Variants in PIGG observed in about 807,000 individuals in gnomAD.
The protein encoded by PIGG is GPI ethanolamine phosphate transferase 2, catalytic subunit.
PIGG carries 70 observed loss-of-function variants against 83.2 expected under a neutral mutation model. That is an observed-to-expected ratio of 0.84 (90% CI 0.69 to 1.03). The LOEUF is 1.03. Among genes scored for constraint, PIGG ranks in the 50% least tolerant of loss-of-function variants. PIGG has a pLI of 0.00. For synonymous variants in PIGG, 532 were observed against 519.5 expected (o/e 1.02, Z -0.33); for missense variants, 1,257 against 1,233.6 (o/e 1.02, Z -0.28).
At chr4:504,961 C>T (rs1553877909) in intron 2 of PIGG, among the ~76,000 whole-genome samples, 1 of 152,188 alleles carries the variant, frequency 6.6e-6, no homozygotes, top group Non-Finnish European at 1.5e-5. Flanking sequence ...AAAGTTCACG[C>T]TTTAGGACTG....
At chr4:520,412 G>C (rs11730564) in intron 6 of PIGG, among the ~76,000 whole-genome samples, 1 of 152,212 alleles carries the variant, frequency 6.6e-6, no homozygotes, top group Non-Finnish European at 1.5e-5. Flanking sequence ...GAGGGGCAGG[G>C]CTCCATCCAG....
At chr4:511,187 G>T (rs1404651847) in intron 5 of PIGG, among the ~76,000 whole-genome samples, 8 of 151,890 alleles carry the variant, frequency 5.3e-5, no homozygotes, top group African/African-American at 1.9e-4. Context: ...CAGCTACTTG[G>T]GAGGCTGAGG....
In PIGG at chr4:528,106, G is replaced by A; in HGVS notation, c.2261+876G>A. ...CCAGTGAGGTCGGTGCTCTGATAGT[G>A]ACCCTCTCAGTGAGGTCGGTGCTCT... On this transcript the variant is annotated intron_variant, in intron 10 of 12. Coordinates refer to ENST00000453061, the MANE Select transcript of PIGG (RefSeq NM_001127178.3). This position sits in a 1 kb window ranked among gnomAD's most constrained non-coding sequence, Gnocchi z 4.8. 1.0e-6 allele frequency: 1 copy of A among 985,350 alleles called. No individual in the cohort carries two copies. The highest frequency in any genetic ancestry group is 4.7e-5 in the South Asian group (1 of 21,274). The allele number at this position is 985,350 out of a possible 1,614,324, so 61.0% of individuals were successfully genotyped here. A position where few individuals can be genotyped will look rare whatever the true frequency, so the allele number is the denominator to read the frequency against.
In PIGG at chr4:523,499, T is replaced by G. The variant is rs995513510; in HGVS notation, c.1655T>G (p.Leu552Arg). Residue 552 changes from leucine (L) to arginine (R), a missense_variant, in exon 9 of 13, where the codon CTT becomes CGT. Leu to Arg is a moderately radical substitution (Grantham distance 102, BLOSUM62 -2). Transcript: ENST00000453061. The stretch of plus-strand genomic sequence containing the variant: ...AGCTCAAGGTGGTCAGAGCTAGACC[T>G]TCTTATTCTGTTGGGGACGGCGGGC... The part of the protein sequence containing the change: ...HPSSRWSELD[L>R]LILLGTAGHV... The G allele has an allele frequency of 6.2e-7, 1 of 1,613,930 alleles. No homozygotes were observed. Among genetic ancestry groups the G allele is most frequent in the African/African-American group, 1.3e-5 (1 of 74,902 alleles).
chr4:519,435 C>T (rs1053836747), intron 6 of PIGG, among the ~76,000 whole-genome samples: 2 of 152,240 alleles, frequency 1.3e-5, no homozygotes, highest in Non-Finnish European at 2.9e-5. Flanking sequence ...GGCGTCCCCC[C>T]ATCCAGGGTG....
chr4:506,701 G>C (rs1340607242), intron 3 of PIGG: 1 of 452,504 alleles, frequency 2.2e-6, no homozygotes, highest in Non-Finnish European at 4.4e-6. Flanking sequence ...TCACCAGGCT[G>C]ACAGCTCTAT....
At chr4:533,163 C>T (rs1289956660) in intron 11 of PIGG, 1 of 153,116 alleles carries the variant, frequency 6.5e-6, no homozygotes, top group Non-Finnish European at 1.5e-5. Flanking sequence ...GAGTTACCTA[C>T]CAGGGCTGGG....
Position 523,632 on chromosome 4 carries a change from C to T in PIGG, c.1788C>T (p.Asn596=). 1 of 1,614,212 alleles carries T rather than the reference C, an allele frequency of 6.2e-7. No homozygotes were observed. The highest frequency in any genetic ancestry group is 2.2e-5 in the East Asian group (1 of 44,876). The change falls in exon 9 of 13, where the codon AAC becomes AAT. Residue 596 remains asparagine, a synonymous_variant. Transcript: ENST00000453061. ...CTCTGAGCCAAGAAACCTACAGAAACTACTTTCTGGGAGATGACGGTGAGC... is the reference window on the plus strand; with the variant it reads ...CTCTGAGCCAAGAAACCTACAGAAATTACTTTCTGGGAGATGACGGTGAGC... ...CLALSQETYR[N]YFLGDDGEPP...
At position 508,869 on chromosome 4, in the gene PIGG, G is replaced by A; in HGVS notation, c.800G>A (p.Gly267Asp). Residue 267 changes from glycine to aspartate, a missense_variant, in exon 5 of 13, where the codon GGT becomes GAT. Physicochemically the swap from Gly to Asp is moderately conservative, Grantham distance 94 (BLOSUM62 -1). Coordinates refer to ENST00000453061, the MANE Select transcript of PIGG (RefSeq NM_001127178.3). ...TTACCCAATTTGCTGGTTCTTTGTG[G>A]TGACCATGGCATGTCTGAAACAGGA... ...TPLPNLLVLCGDHGMSETGSH... is the reference protein window; with the variant it reads ...TPLPNLLVLCDDHGMSETGSH... 3 of 1,613,976 alleles carry A rather than the reference G, an allele frequency of 1.9e-6. No individual in the cohort carries two copies. The highest frequency in any genetic ancestry group is 2.5e-6 in the Non-Finnish European group (3 of 1,179,872).
At position 533,906 on chromosome 4, in the gene PIGG, C is replaced by T. The variant is rs769618986; in HGVS notation, c.2660C>T (p.Thr887Ile). ...GTGGAAATCCCAGCCGTGCTCCTGA[C>T]AGCGTTTGGGACGTACGCAGGGCCT... is the stretch of plus-strand genomic sequence containing the variant. ...TYVEIPAVLL[T>I]AFGTYAGPVL... Residue 887 changes from threonine (T) to isoleucine (I), a missense_variant, in exon 12 of 13, where the codon ACA becomes ATA. By Grantham distance (89) the Thr-to-Ile change is moderately conservative. Transcript: ENST00000453061. 1.9e-6 allele frequency: 3 copies of T among 1,614,174 alleles called. No individual in the cohort carries two copies. The highest frequency in any genetic ancestry group is 8.5e-7 in the Non-Finnish European group (1 of 1,180,002).
intron 8 of PIGG, among the ~76,000 whole-genome samples, chr4:523,043 T>G (rs1726473068): frequency 1.3e-5 from 2 of 152,160 alleles, no homozygotes; most frequent in African/African-American, 4.8e-5. Flanking sequence ...GCGACGTGCA[T>G]CTGAAGACCT....
rs373800761 is a variant in PIGG, at chr4:517,264, TGA to T, written c.1114+1083_1114+1084del. ...TCAGGAGGCAGTGGCTGTACTTCTG[TGA>T]GAGGTGAGGGTGGCCAGGGCCCAGG... On this transcript the variant is annotated intron_variant, in intron 6 of 12. Transcript: ENST00000453061. Among the ~76,000 whole-genome samples, 247 of 151,936 alleles carry T rather than the reference TGA, an allele frequency of 1.6e-3. 1 individual carries two copies. The highest frequency in any genetic ancestry group is 5.8e-3 in the African/African-American group (240 of 41,450).
chr4:507,890 C>T (rs1271630871), intron 4 of PIGG, among the ~76,000 whole-genome samples: 1 of 152,172 alleles, frequency 6.6e-6, no homozygotes, highest in Admixed American at 6.5e-5. Context: ...TCTCTCTGTT[C>T]TGTGCCACTC....
Position 499,483 on chromosome 4 carries a change from T to TGGTA in PIGG, c.148_149insGGTA (p.Ser50TrpfsTer8). On this transcript the variant is annotated frameshift_variant, in exon 1 of 13. Coordinates refer to ENST00000453061, the MANE Select transcript of PIGG (RefSeq NM_001127178.3). LOFTEE classifies it high-confidence loss of function. Reference sequence around the variant, plus strand: ...AGCGGAGCCCCCAGCGCCCGAACCCTCGGCTGGTACGGACCCCTCCCCGGC... The same window carrying TGGTA: ...AGCGGAGCCCCCAGCGCCCGAACCCTGGTACGGCTGGTACGGACCCCTCCCCGGC... 6.3e-7 allele frequency: 1 copy of TGGTA among 1,596,960 alleles called. No homozygotes were observed. Among genetic ancestry groups the TGGTA allele is most frequent in the Middle Eastern group, 1.9e-4 (1 of 5,362 alleles).
chr4:509,549 C>A (rs1032627906), intron 5 of PIGG, among the ~76,000 whole-genome samples: 3 of 152,224 alleles, frequency 2.0e-5, no homozygotes, highest in Admixed American at 6.5e-5. Flanking sequence ...CTGCCACACT[C>A]GCTGCCTCAC....
intron 2 of PIGG, among the ~76,000 whole-genome samples, chr4:505,415 A>G (rs898163347): frequency 1.3e-4 from 20 of 149,778 alleles, no homozygotes; most frequent in African/African-American, 5.0e-4. Flanking sequence ...TCCATAAAAA[A>G]TCTTCAGACC....
chr4:514,819 AAC>A (rs1560308792), intron 5 of PIGG, among the ~76,000 whole-genome samples: 1 of 152,214 alleles, frequency 6.6e-6, no homozygotes, highest in East Asian at 1.9e-4. Flanking sequence ...ATAGACACGC[AAC>A]AGTCTCAGAA....
At chr4:539,011 G>A in intron 12 of PIGG, 142 bp from the exon 13 acceptor site, 1 of 624,918 alleles carries the variant, frequency 1.6e-6, no homozygotes, top group Non-Finnish European at 2.8e-6. Flanking sequence ...CATAGTGACT[G>A]GATGTGTGTG....
At chr4:535,412 G>A (rs751496826) in intron 12 of PIGG, among the ~76,000 whole-genome samples, 85 of 146,198 alleles carry the variant, frequency 5.8e-4, no homozygotes, top group African/African-American at 2.3e-3. Context: ...TTCTGCGTGT[G>A]CTGAAACCGC....
Sources: gnomAD v4.1 joint callset for allele counts (sites outside exome capture counted in the v4.1 genomes callset) on GRCh38, gnomAD v4.1.1 for gene constraint, Gnocchi (gnomAD v3.1) non-coding constraint, MANE v1.5 for transcripts, NCBI Gene and HGNC (gene_info 2026-07-23, HGNC 2026-07-21) for gene names.